The following FIGNL2 variants were observed in gnomAD, a reference collection of about 807,000 sequenced individuals.
FIGNL2 encodes the protein fidgetin like 2, also known as fidgetin-like protein 2.
For missense variants in FIGNL2, 1,060 were observed against 950.2 expected, an observed-to-expected ratio of 1.12 and a Z score of -1.52; for synonymous variants, 565 against 484.0, an observed-to-expected ratio of 1.17 and a Z score of -2.20.
chr12:51,826,308 A>G (rs1939341634), intron 1 of FIGNL2, among the ~76,000 whole-genome samples: 1 of 152,020 alleles, frequency 6.6e-6, no homozygotes, highest in African/African-American at 2.4e-5. Flanking sequence ...ATGCAGTGAC[A>G]TGACATCCAC....
intron 1 of FIGNL2, among the ~76,000 whole-genome samples, chr12:51,833,331 G>T (rs1203998700): frequency 6.6e-6 from 1 of 152,168 alleles, no homozygotes; most frequent in African/African-American, 2.4e-5. Flanking sequence ...GGGATTCCAG[G>T]CATGGGCCAC....
Position 51,822,258 on chromosome 12 carries a change from T to C in FIGNL2, c.156A>G (p.Ser52=). The C allele has an allele frequency of 6.2e-7, 1 of 1,611,418 alleles. No individual in the cohort carries two copies. The part of the protein sequence containing the change: ...CHYAWAHDDI[S]ALTASNLLKR... ...TTAGGAGGTTGGAGGCAGTGAGGGC[T>C]GAGATGTCGTCGTGTGCCCAAGCGT... The change falls in exon 2 of 2, where the codon TCA becomes TCG. Residue 52 remains serine, a synonymous_variant. Coordinates refer to ENST00000618634, the MANE Select transcript of FIGNL2 (RefSeq NM_001384995.1).
chr12:51,822,718 C>T (rs1939251141), intron 1 of FIGNL2, among the ~76,000 whole-genome samples: 1 of 152,224 alleles, frequency 6.6e-6, no homozygotes, highest in Admixed American at 6.5e-5. Context: ...TTGTCCTGGC[C>T]ACTCCAGCCA....
intron 1 of FIGNL2, among the ~76,000 whole-genome samples, chr12:51,838,506 G>A (rs1939612607): frequency 6.6e-6 from 1 of 152,162 alleles, no homozygotes; most frequent in Admixed American, 6.5e-5. Flanking sequence ...ACTCTAGCCA[G>A]CCCTTCCCCC....
At chr12:51,835,887 A>C (rs192142340) in intron 1 of FIGNL2, among the ~76,000 whole-genome samples, 13 of 150,912 alleles carry the variant, frequency 8.6e-5, no homozygotes, top group African/African-American at 2.7e-4. Flanking sequence ...GTTTACTGCA[A>C]CCTCCACCTC....
Position 51,848,594 on chromosome 12 carries a change from G to C in FIGNL2, c.-66C>G, listed in dbSNP as rs1401249593. 2 of 960,308 alleles carry C rather than the reference G, an allele frequency of 2.1e-6. No homozygotes were observed. The highest frequency in any genetic ancestry group is 3.5e-5 in the African/African-American group (2 of 56,640). 59.5% of individuals were successfully genotyped at this position (960,308 alleles called of 1,614,324 possible). On this transcript the variant is annotated 5_prime_UTR_variant, in exon 1 of 2. Coordinates refer to ENST00000618634, the MANE Select transcript of FIGNL2 (RefSeq NM_001384995.1). ...TGTGCGCGGCCTGGGGGCGCGTCCGGCCCGGGGACCGGGGCGGCGGCGCGG... is the reference window on the plus strand; with the variant it reads ...TGTGCGCGGCCTGGGGGCGCGTCCGCCCCGGGGACCGGGGCGGCGGCGCGG...
At chr12:51,843,285 C>T (rs1939691740) in intron 1 of FIGNL2, among the ~76,000 whole-genome samples, 1 of 151,992 alleles carries the variant, frequency 6.6e-6, no homozygotes, top group East Asian at 1.9e-4. Context: ...GTCTGTAATC[C>T]CAACACTTTG....
chr12:51,844,236 G>C (rs764148774), intron 1 of FIGNL2, among the ~76,000 whole-genome samples: 1 of 152,184 alleles, frequency 6.6e-6, no homozygotes, highest in Non-Finnish European at 1.5e-5. Flanking sequence ...TTGGTCTCTA[G>C]GGTAGGGGTC....
At chr12:51,846,064 ATGC>A (rs1939745018) in intron 1 of FIGNL2, among the ~76,000 whole-genome samples, 1 of 152,226 alleles carries the variant, frequency 6.6e-6, no homozygotes, top group Non-Finnish European at 1.5e-5. Flanking sequence ...ATTCCATGCT[ATGC>A]AGACTGCCTG....
rs147886884 is a variant in FIGNL2 at position 51,830,294 on chromosome 12, A to G, written c.-11-7870T>C. ...ACAGAGCCAGTCTCCATCTCAAAAA[A>G]AAAAAGAAGAAGAAGAAAATTACTG... On this transcript the variant is annotated intron_variant, in intron 1 of 1. Coordinates refer to ENST00000618634, the MANE Select transcript of FIGNL2 (RefSeq NM_001384995.1). Among the ~76,000 whole-genome samples the G allele has an allele frequency of 1.6e-3, 248 of 152,014 alleles. 1 individual carries two copies. The highest frequency in any genetic ancestry group is 7.5e-3 in the Admixed American group (114 of 15,266).
At position 51,821,813 on chromosome 12, in the gene FIGNL2, G is replaced by A. The variant is rs1939209963; in HGVS notation, c.601C>T (p.Pro201Ser). 8.6e-6 allele frequency: 11 copies of A among 1,274,934 alleles called. No homozygotes were observed. Among genetic ancestry groups the A allele is most frequent in the South Asian group, 6.0e-5 (2 of 33,158 alleles). 79.0% of individuals were successfully genotyped at this position (1,274,934 alleles called of 1,614,324 possible). A position where few individuals can be genotyped will look rare whatever the true frequency, so the allele number is the denominator to read the frequency against. Residue 201 changes from proline (P) to serine (S), a missense_variant, in exon 2 of 2, where the codon CCG becomes TCG. Physicochemically the swap from Pro to Ser is moderately conservative, Grantham distance 74. Coordinates refer to ENST00000618634, the MANE Select transcript of FIGNL2 (RefSeq NM_001384995.1). ...PPPPGYGPSA[P>S]LYNYPAGGYA... ...CCCCCTGCGGGATAGTTGTACAGCG[G>A]CGCTGAGGGCCCGTACCCCGGAGGC...
At chr12:51,822,656 G>A (rs1448014994) in intron 1 of FIGNL2, among the ~76,000 whole-genome samples, 2 of 152,216 alleles carry the variant, frequency 1.3e-5, no homozygotes, top group Non-Finnish European at 2.9e-5. Context: ...AAAGGGGTCT[G>A]GAAATGATGT....
chr12:51,846,053 G>A (rs1044800991), intron 1 of FIGNL2, among the ~76,000 whole-genome samples: 2 of 152,200 alleles, frequency 1.3e-5, no homozygotes, highest in Non-Finnish European at 2.9e-5. Context: ...AAGGTGGCCA[G>A]ATTCCATGCT....
At chr12:51,839,396 GGTTAACACTCTCT>G (rs376934739) in intron 1 of FIGNL2, among the ~76,000 whole-genome samples, 9 of 152,258 alleles carry the variant, frequency 5.9e-5, no homozygotes, top group African/African-American at 2.2e-4. Context: ...CATGAAGTCA[GGTTAACACTCTCT>G]CTAAAACAAC....
rs569181709 is a variant in FIGNL2, at chr12:51,845,496, C to T, written c.-12+3044G>A. 4.7e-5 allele frequency: 46 copies of T among 984,160 alleles called. No individual in the cohort carries two copies. The African/African-American group carries it at 6.3e-4, about 13-fold the overall frequency. 61.0% of individuals were successfully genotyped at this position (984,160 alleles called of 1,614,324 possible). On this transcript the variant is annotated intron_variant, in intron 1 of 1. Transcript: ENST00000618634. Reference sequence around the variant, plus strand: ...ACAGTCTCTGTCCCCTGAAGGGGGTCTCAGGGCTGCAGAGCACAGGGGCAC... The same window carrying T: ...ACAGTCTCTGTCCCCTGAAGGGGGTTTCAGGGCTGCAGAGCACAGGGGCAC...
intron 1 of FIGNL2, among the ~76,000 whole-genome samples, chr12:51,846,134 C>T (rs932940260): frequency 2.0e-5 from 3 of 152,210 alleles, no homozygotes; most frequent in African/African-American, 4.8e-5. Context: ...ATGGAGCACC[C>T]ACAAGGTGTC....
rs754293705 is a variant in FIGNL2, at chr12:51,822,107, C to G, written c.307G>C (p.Glu103Gln). The change falls in exon 2 of 2, where the codon GAG becomes CAG. Residue 103 changes from glutamate (E) to glutamine (Q), a missense_variant. By Grantham distance (29) the Glu-to-Gln change is conservative. Transcript: ENST00000618634. ...KGDPEPWPGP[E>Q]PPYPLASLHE... ...AGTGAGGCCAAGGGGTAGGGTGGCT[C>G]CGGCCCTGGCCAGGGCTCGGGATCC... 1.9e-6 allele frequency: 3 copies of G among 1,610,864 alleles called. No individual in the cohort carries two copies. In the South Asian group the frequency reaches 3.3e-5, roughly 18 times the overall value.
intron 1 of FIGNL2, among the ~76,000 whole-genome samples, chr12:51,833,177 A>G (rs1337659064): frequency 6.6e-6 from 1 of 151,778 alleles, no homozygotes; most frequent in African/African-American, 2.4e-5. Flanking sequence ...CCTCCCAAGT[A>G]GTTGGGACCA....
At chr12:51,829,162 C>A (rs1939404127) in intron 1 of FIGNL2, among the ~76,000 whole-genome samples, 1 of 152,270 alleles carries the variant, frequency 6.6e-6, no homozygotes, top group Non-Finnish European at 1.5e-5. Flanking sequence ...TTATCTCAGC[C>A]TGGAACAAAG....
Sources: allele counts gnomAD v4.1 joint callset (sites outside exome capture counted in the v4.1 genomes callset), GRCh38; gene constraint gnomAD v4.1.1; transcripts MANE v1.5; gene names NCBI Gene and HGNC (gene_info 2026-07-23, HGNC 2026-07-21).